TENM3: variants seen among roughly 807,000 people sequenced by gnomAD.
TENM3 encodes the protein teneurin-3.
Under a neutral mutation model 255.1 loss-of-function variants are expected in TENM3, and 63 were observed. That is an observed-to-expected ratio of 0.25 (90% CI 0.20 to 0.30). TENM3 has a LOEUF of 0.30. TENM3 is among the 10% of genes least tolerant of loss of function. TENM3 has a pLI of 1.00. For missense variants in TENM3, 2,929 were observed against 3,461.1 expected, an observed-to-expected ratio of 0.85 and a Z score of 3.86; for synonymous variants, 1,306 against 1,322.3, an observed-to-expected ratio of 0.99 and a Z score of 0.27.
chr4:182,730,143 G>C (rs1442709356), intron 14 of TENM3, 57 bp from the exon 15 acceptor site: 1 of 1,605,668 alleles, frequency 6.2e-7, no homozygotes, highest in Non-Finnish European at 8.5e-7. Context: ...TATAAATCAT[G>C]ATAATGTTGG....
the TENM3 span, chr4:181,975,070 C>T: frequency 6.6e-6 from 1 of 151,824 alleles, no homozygotes; most frequent in South Asian, 2.1e-4. Context: ...AAGATTATGG[C>T]CTCCAGTTCT....
At chr4:181,818,823 AAACTCCT>A in the TENM3 span, among the ~76,000 whole-genome samples, 2 of 152,220 alleles carry the variant, frequency 1.3e-5, no homozygotes, top group Middle Eastern at 3.4e-3. Context: ...GGCTAGTCTC[AAACTCCT>A]GACCTCGGGT....
the TENM3 span, among the ~76,000 whole-genome samples, chr4:181,528,477 G>C: frequency 6.6e-6 from 1 of 152,194 alleles, no homozygotes; most frequent in Non-Finnish European, 1.5e-5. Context: ...GACTCGCAAA[G>C]CACAGGAAGA....
the TENM3 span, among the ~76,000 whole-genome samples, chr4:181,481,165 A>T: frequency 0.37 from 55,500 of 151,232 alleles, 10,654 homozygotes; most frequent in African/African-American, 0.49. Flanking sequence ...TTTTTTTTTG[A>T]AAACTTTATT....
At position 182,729,105 on chromosome 4, in the gene TENM3, T is replaced by C. The variant is rs1760472864; in HGVS notation, c.2509T>C (p.Phe837Leu). The C allele has an allele frequency of 6.2e-7, 1 of 1,613,906 alleles. No homozygotes were observed. The highest frequency in any genetic ancestry group is 1.7e-5 in the Admixed American group (1 of 60,006). ...QSPSQQAAKSFYDRISFLIGS... is the reference protein window; with the variant it reads ...QSPSQQAAKSLYDRISFLIGS... ...GCCTTCTCAGCAAGCTGCCAAATCC[T>C]TTTATGATCGAATCAGTTTCCTTAT... Residue 837 changes from phenylalanine to leucine, a missense_variant, in exon 14 of 28, where the codon TTT becomes CTT. Transcript: ENST00000511685.
chr4:182,615,649 G>A (rs569850767), intron 4 of TENM3, among the ~76,000 whole-genome samples: 7 of 151,884 alleles, frequency 4.6e-5, no homozygotes, highest in African/African-American at 1.7e-4. Flanking sequence ...TGACATTAGC[G>A]TAAGGGAACT....
At chr4:182,323,074 C>A (rs1763159032) in intron 1 of TENM3, among the ~76,000 whole-genome samples, 1 of 152,078 alleles carries the variant, frequency 6.6e-6, no homozygotes, top group Admixed American at 6.6e-5. Context: ...TCGCCCCGGG[C>A]CACTCTCCCT....
the TENM3 span, among the ~76,000 whole-genome samples, chr4:181,808,118 A>G: frequency 1.3e-5 from 2 of 152,126 alleles, no homozygotes; most frequent in African/African-American, 2.4e-5. Context: ...AATTGATTAC[A>G]CTTCTGTTGG....
At chr4:181,632,763 G>A in the TENM3 span, among the ~76,000 whole-genome samples, 1 of 152,100 alleles carries the variant, frequency 6.6e-6, no homozygotes, top group Non-Finnish European at 1.5e-5. Context: ...TTCCCTGAAT[G>A]TTGCCTTACT....
intron 23 of TENM3, 45 bp from the exon 24 acceptor site, chr4:182,774,873 T>C (rs750693708): frequency 7.1e-7 from 1 of 1,413,316 alleles, no homozygotes; most frequent in Non-Finnish European, 9.8e-7. Flanking sequence ...GCCAAGTATT[T>C]AATCCATATC....
chr4:181,787,316 CCATCATCATCTTGCTACATCCAT>C, the TENM3 span, among the ~76,000 whole-genome samples: 1 of 151,842 alleles, frequency 6.6e-6, no homozygotes, highest in Non-Finnish European at 1.5e-5. Flanking sequence ...CACCTGCAGG[CCATCATCATCTTGCTACATCCAT>C]CTTTTTTTTT....
At position 182,621,692 on chromosome 4, in the gene TENM3, A is replaced by ATATTATAATATAATATG. The variant is rs1561016199; in HGVS notation, c.750-6952_750-6951insATATAATATGTATTATA. ...ATTATATATATAAAATATATAATAT[A>ATATTATAATATAATATG]TATTATATATAAAATATATAATATA... is the stretch of plus-strand genomic sequence containing the variant. On this transcript the variant is annotated intron_variant, in intron 4 of 27. Coordinates refer to ENST00000511685, the MANE Select transcript of TENM3 (RefSeq NM_001080477.4). Among the ~76,000 whole-genome samples the ATATTATAATATAATATG allele has an allele frequency of 2.1e-3, 26 of 12,216 alleles. 1 individual carries two copies. The highest frequency in any genetic ancestry group is 5.1e-3 in the African/African-American group (19 of 3,706). 8.0% of individuals were successfully genotyped at this position (12,216 alleles called of 152,430 possible).
At chr4:182,771,574 C>T (rs1015915800) in intron 22 of TENM3, among the ~76,000 whole-genome samples, 12 of 151,966 alleles carry the variant, frequency 7.9e-5, no homozygotes, top group South Asian at 2.1e-4. Context: ...TTTTTTAACC[C>T]GATAGCACGT....
intron 1 of TENM3, among the ~76,000 whole-genome samples, chr4:182,237,477 C>T (rs188101293): frequency 2.9e-4 from 44 of 151,846 alleles, no homozygotes; most frequent in Admixed American, 2.2e-3. Flanking sequence ...GCAGTTCTCC[C>T]GCTTCAGCCT....
chr4:181,515,357 CCTT>C, the TENM3 span, among the ~76,000 whole-genome samples: 5,171 of 152,186 alleles, frequency 0.034, 118 homozygotes, highest in Non-Finnish European at 0.053. Context: ...AGATCATTGT[CCTT>C]CTCCTTTGCG....
At chr4:181,449,286 A>G in the TENM3 span, among the ~76,000 whole-genome samples, 1 of 152,096 alleles carries the variant, frequency 6.6e-6, no homozygotes, top group Admixed American at 6.6e-5. Context: ...TCATTTTTCA[A>G]TATTGCTGGT....
chr4:182,063,168 C>A, the TENM3 span, among the ~76,000 whole-genome samples: 1 of 152,220 alleles, frequency 6.6e-6, no homozygotes, highest in Admixed American at 6.5e-5. Context: ...GCACTGTAAT[C>A]TGATAGGTGT....
the TENM3 span, among the ~76,000 whole-genome samples, chr4:181,827,973 G>T: frequency 5.3e-5 from 8 of 152,224 alleles, no homozygotes; most frequent in Admixed American, 3.9e-4. Context: ...TCTCAGTAAG[G>T]GATATCATCT....
chr4:182,095,894 A>G, the TENM3 span, among the ~76,000 whole-genome samples: 1 of 151,710 alleles, frequency 6.6e-6, no homozygotes, highest in Non-Finnish European at 1.5e-5. Flanking sequence ...AAAGAGATCA[A>G]TCAATATTGA....
Sources: gnomAD v4.1 joint callset for allele counts (sites outside exome capture counted in the v4.1 genomes callset) on GRCh38, gnomAD v4.1.1 for gene constraint, MANE v1.5 for transcripts, NCBI Gene and HGNC (gene_info 2026-07-23, HGNC 2026-07-21) for gene names.